The following GAS7 variants were observed in gnomAD, a reference collection of about 807,000 sequenced individuals.
The protein encoded by GAS7 is growth arrest-specific protein 7.
Under a neutral mutation model 71.1 loss-of-function variants are expected in GAS7, and 28 were observed. That is an observed-to-expected ratio of 0.39 (90% CI 0.29 to 0.54). The LOEUF (loss-of-function observed/expected upper bound fraction) is 0.54, where lower values mean the gene tolerates loss of function less well. GAS7 is among the 20% of genes least tolerant of loss of function. GAS7 has a pLI of 0.62. For synonymous variants in GAS7, 258 were observed against 245.8 expected, an observed-to-expected ratio of 1.05 and a Z score of -0.46; for missense variants, 436 against 627.8, an observed-to-expected ratio of 0.69 and a Z score of 3.27.
chr17:10,092,857 T>G (rs919626546), intron 1 of GAS7, among the ~76,000 whole-genome samples: 1 of 152,206 alleles, frequency 6.6e-6, no homozygotes, highest in Non-Finnish European at 1.5e-5. Context: ...CTCCTCTGTA[T>G]GTGTTGGCAA....
intron 1 of GAS7, among the ~76,000 whole-genome samples, chr17:10,105,035 C>T (rs1256737899): frequency 6.6e-6 from 1 of 152,234 alleles, no homozygotes; most frequent in East Asian, 1.9e-4. Flanking sequence ...CCTCACCTTA[C>T]ACTGTTTTCT....
At chr17:10,025,558 T>A (rs1390752216) in intron 1 of GAS7, among the ~76,000 whole-genome samples, 2 of 151,566 alleles carry the variant, frequency 1.3e-5, no homozygotes, top group African/African-American at 4.9e-5. Flanking sequence ...ATTTTCCCCT[T>A]AATGGTGGCT....
intron 1 of GAS7, among the ~76,000 whole-genome samples, chr17:10,153,196 C>A (rs1187050967): frequency 4.4e-5 from 1 of 22,844 alleles, no homozygotes; most frequent in Non-Finnish European, 7.4e-5. Context: ...GGTGACACGG[C>A]AAGCCTCCGT....
intron 1 of GAS7, among the ~76,000 whole-genome samples, chr17:10,089,781 G>A (rs62065854): frequency 0.35 from 53,854 of 151,976 alleles, 10,256 homozygotes; most frequent in African/African-American, 0.41. Flanking sequence ...GAACCTGGTA[G>A]TTTCAAAGTT....
rs142950412 is a variant in GAS7 at position 9,925,501 on chromosome 17, C to T, written c.1113G>A (p.Lys371=). 2.1e-4 allele frequency: 337 copies of T among 1,614,072 alleles called. No individual in the cohort carries two copies. The highest frequency in any genetic ancestry group is 2.8e-4 in the Non-Finnish European group (327 of 1,180,036). Residue 371 remains lysine, a synonymous_variant, in exon 11 of 14, where the codon AAG becomes AAA. Transcript: ENST00000432992. ...LSNKTEEDIK[K]ARRKSTQAGD... The stretch of plus-strand genomic sequence containing the variant: ...CAGCCTGTGTGGACTTTCTCCGCGC[C>T]TTCTTGATGTCCTCCTCTGTCTTGT...
intron 1 of GAS7, among the ~76,000 whole-genome samples, chr17:10,171,598 A>G (rs1023892813): frequency 6.6e-6 from 1 of 152,250 alleles, no homozygotes; most frequent in Non-Finnish European, 1.5e-5. Flanking sequence ...AACAAGATCC[A>G]AATGCATAAG....
intron 1 of GAS7, among the ~76,000 whole-genome samples, chr17:10,066,543 C>T (rs2152244852): frequency 6.6e-6 from 1 of 152,192 alleles, no homozygotes; most frequent in East Asian, 1.9e-4. Flanking sequence ...GCTATATTGC[C>T]CAGGCTGGTC....
At chr17:10,093,354 A>G (rs951163335) in intron 1 of GAS7, among the ~76,000 whole-genome samples, 12 of 152,086 alleles carry the variant, frequency 7.9e-5, no homozygotes, top group African/African-American at 2.7e-4. Context: ...GGCAGATCAC[A>G]AGGTCAACAG....
chr17:10,083,704 A>G (rs2073482595), intron 1 of GAS7, among the ~76,000 whole-genome samples: 1 of 152,372 alleles, frequency 6.6e-6, no homozygotes, highest in Admixed American at 6.5e-5. Flanking sequence ...CCCTACCTGA[A>G]GGCAGGAAAG....
intron 1 of GAS7, among the ~76,000 whole-genome samples, chr17:10,174,599 G>A (rs2074359026): frequency 6.6e-6 from 1 of 152,074 alleles, no homozygotes; most frequent in African/African-American, 2.4e-5. Flanking sequence ...GGCCGAGGCA[G>A]GAGAATGGCG....
intron 1 of GAS7, among the ~76,000 whole-genome samples, chr17:10,063,879 C>T (rs1345833567): frequency 6.6e-6 from 1 of 151,962 alleles, no homozygotes; most frequent in Non-Finnish European, 1.5e-5. Flanking sequence ...GCAGAGGAAG[C>T]ATCTTTTTTT....
At chr17:10,005,106 T>C (rs1170397839) in intron 2 of GAS7, among the ~76,000 whole-genome samples, 2 of 151,102 alleles carry the variant, frequency 1.3e-5, no homozygotes, top group Non-Finnish European at 3.0e-5. Context: ...TACATGCATG[T>C]GTGTGCGTGT....
intron 1 of GAS7, among the ~76,000 whole-genome samples, chr17:10,148,593 G>A (rs1336941643): frequency 1.3e-5 from 2 of 148,856 alleles, no homozygotes; most frequent in African/African-American, 5.0e-5. Context: ...ACTCCAGCCT[G>A]GGCAACAGAG....
intron 1 of GAS7, among the ~76,000 whole-genome samples, chr17:10,045,240 A>G (rs928875179): frequency 1.3e-5 from 2 of 152,200 alleles, no homozygotes; most frequent in African/African-American, 4.8e-5. Flanking sequence ...CCATTAAAGA[A>G]GAGAACAAGA....
At position 9,987,082 on chromosome 17, in the gene GAS7, C is replaced by A. The variant is rs114931541; in HGVS notation, c.305-5198G>T. Among the ~76,000 whole-genome samples, 642 of 152,354 alleles carry A rather than the reference C, an allele frequency of 4.2e-3. 3 individuals are homozygous for A. Among genetic ancestry groups the A allele is most frequent in the African/African-American group, 0.014 (599 of 41,582 alleles). On this transcript the variant is annotated intron_variant, in intron 2 of 13. Coordinates refer to ENST00000432992, the MANE Select transcript of GAS7 (RefSeq NM_201433.2). ...GCTCCTTGACCAAGTCACAGTAAGA[C>A]TGAAGCGGCAGCTCCAGGCCTCAAG... is the stretch of plus-strand genomic sequence containing the variant.
intron 1 of GAS7, among the ~76,000 whole-genome samples, chr17:10,105,368 A>G (rs185329871): frequency 1.3e-5 from 2 of 152,092 alleles, no homozygotes; most frequent in Admixed American, 1.3e-4. Context: ...CTCTTATTCA[A>G]ACTCAAATAA....
chr17:9,921,113 C>T lies in GAS7; in HGVS notation c.1139-1408G>A, dbSNP rs146355896. Among the ~76,000 whole-genome samples, 27 of 151,856 alleles carry T rather than the reference C, an allele frequency of 1.8e-4. No homozygotes were observed. In the East Asian group the frequency reaches 4.8e-3, roughly 27 times the overall value. The stretch of plus-strand genomic sequence containing the variant: ...CCCTTGATCCCAAGAGGCACTGAAC[C>T]GGAGAGAAGAAAGTGGATGCTGCAC... On this transcript the variant is annotated intron_variant, in intron 11 of 13. Transcript: ENST00000432992.
intron 2 of GAS7, among the ~76,000 whole-genome samples, chr17:9,984,991 G>T (rs1349755402): frequency 7.1e-6 from 1 of 140,562 alleles, no homozygotes; most frequent in Admixed American, 6.8e-5. Flanking sequence ...TCAAGACCGG[G>T]CTCCCCTCTC....
intron 2 of GAS7, among the ~76,000 whole-genome samples, chr17:10,003,173 C>A (rs892964631): frequency 6.6e-6 from 1 of 152,156 alleles, no homozygotes; most frequent in African/African-American, 2.4e-5. Flanking sequence ...CACCTAACAC[C>A]TGGAAGTTGA....
Sources: allele counts gnomAD v4.1 joint callset (sites outside exome capture counted in the v4.1 genomes callset), GRCh38; gene constraint gnomAD v4.1.1; transcripts MANE v1.5; gene names NCBI Gene and HGNC (gene_info 2026-07-23, HGNC 2026-07-21).